The following RPRD2 variants were observed in gnomAD, a reference collection of about 807,000 sequenced individuals.
RPRD2 encodes the protein regulation of nuclear pre-mRNA domain containing 2.
In RPRD2, 12 loss-of-function variants were observed where a neutral mutation model predicts 104.4. That is an observed-to-expected ratio of 0.11 (90% confidence interval 0.07 to 0.19). The LOEUF (loss-of-function observed/expected upper bound fraction) is 0.19. Ranked by LOEUF, RPRD2 falls within the 10% of genes least tolerant of loss-of-function variation. The probability of loss-of-function intolerance (pLI) is 1.00; values close to 1 mark genes in which losing one functional copy is unlikely to be tolerated. For synonymous variants in RPRD2, 714 were observed against 684.9 expected, an observed-to-expected ratio of 1.04 and a Z score of -0.66; for missense variants, 1,543 against 1,790.1, an observed-to-expected ratio of 0.86 and a Z score of 2.49.
intron 6 of RPRD2, 143 bp from the exon 7 acceptor site, chr1:150,446,079 AAAAG>A (rs1467024223): frequency 4.6e-5 from 24 of 518,462 alleles, no homozygotes; most frequent in Middle Eastern, 5.4e-4. Context: ...AAAAAAAAAA[AAAAG>A]AAAGAAACTA....
intron 10 of RPRD2, 90 bp downstream of exon 10, chr1:150,464,817 C>A: frequency 1.2e-6 from 1 of 865,110 alleles, no homozygotes; most frequent in Non-Finnish European, 1.8e-6. Context: ...GAATCCAGAG[C>A]CATAAAATGT....
intron 10 of RPRD2, among the ~76,000 whole-genome samples, chr1:150,466,457 G>T (rs1163267364): frequency 2.0e-5 from 3 of 150,922 alleles, no homozygotes; most frequent in African/African-American, 7.3e-5. Context: ...GCTAAGGCAG[G>T]AGGATCACTT....
chr1:150,444,428 C>T, intron 6 of RPRD2, 51 bp downstream of exon 6: 1 of 1,577,190 alleles, frequency 6.3e-7, no homozygotes, highest in Non-Finnish European at 8.6e-7. Context: ...CCATATGTGT[C>T]ATTTTTCCAG....
At chr1:150,435,116 C>A (rs1332828484) in intron 2 of RPRD2, among the ~76,000 whole-genome samples, 4 of 152,114 alleles carry the variant, frequency 2.6e-5, no homozygotes, top group African/African-American at 4.8e-5. Flanking sequence ...GATCTGTGAT[C>A]AGCGATGTTA....
intron 2 of RPRD2, among the ~76,000 whole-genome samples, chr1:150,431,473 A>ATTTTTTTGTTTTTTTTTTTTTTTTTTTT (rs1665570389): frequency 1.3e-5 from 1 of 78,850 alleles, no homozygotes; most frequent in Non-Finnish European, 2.4e-5. Flanking sequence ...AAAAGGAAGG[A>ATTTTTTTGTTTTTTTTTTTTTTTTTTTT]TTTTTTTTTT....
chr1:150,429,084 G>C (rs1456407712), intron 2 of RPRD2, among the ~76,000 whole-genome samples: 2 of 149,068 alleles, frequency 1.3e-5, no homozygotes, highest in Admixed American at 6.7e-5. Context: ...TTGACATTGT[G>C]GTCAGTAGTG....
At chr1:150,368,731 G>A (rs1660042299) in intron 1 of RPRD2, among the ~76,000 whole-genome samples, 1 of 151,844 alleles carries the variant, frequency 6.6e-6, no homozygotes, top group South Asian at 2.1e-4. Context: ...CTCCCAAAGT[G>A]CTGGGATTAC....
chr1:150,457,711 C>A, intron 8 of RPRD2, 141 bp downstream of exon 8: 2 of 769,104 alleles, frequency 2.6e-6, no homozygotes, highest in Non-Finnish European at 4.3e-6. Flanking sequence ...ATCTCTAGAG[C>A]AGTTGTTGAG....
At chr1:150,398,123 C>G (rs1444796276) in intron 1 of RPRD2, among the ~76,000 whole-genome samples, 2 of 149,228 alleles carry the variant, frequency 1.3e-5, no homozygotes, top group East Asian at 2.0e-4. Flanking sequence ...ACCCCACCCC[C>G]ACCCCGCAGT....
In RPRD2 at chr1:150,473,255, T is replaced by C. The variant is rs777264466; in HGVS notation, c.4307T>C (p.Leu1436Ser). 2 of 1,613,940 alleles carry C rather than the reference T, an allele frequency of 1.2e-6. No homozygotes were observed. Among genetic ancestry groups the C allele is most frequent in the East Asian group, 2.2e-5 (1 of 44,862 alleles). Residue 1436 changes from leucine to serine, a missense_variant, in exon 11 of 11, where the codon TTA becomes TCA. This residue lies in a region of RPRD2 where 880 missense variants were observed against 885.6 expected (regional missense o/e 0.99). Transcript: ENST00000369068. Reference sequence around the variant, plus strand: ...CTCAGCAGAGACCCATTTCACAGTTTAAAGAGACCCAGGCCACCTTTTGCT... The same window carrying C: ...CTCAGCAGAGACCCATTTCACAGTTCAAAGAGACCCAGGCCACCTTTTGCT... ...PFLSRDPFHSLKRPRPPFARG... is the reference protein window; with the variant it reads ...PFLSRDPFHSSKRPRPPFARG...
intron 9 of RPRD2, among the ~76,000 whole-genome samples, chr1:150,461,058 A>T (rs903137294): frequency 3.9e-5 from 6 of 151,982 alleles, no homozygotes; most frequent in African/African-American, 1.4e-4. Context: ...TAATCCAATA[A>T]TCGGTCATTA....
At position 150,372,488 on chromosome 1, in the gene RPRD2, A is replaced by AAC. The variant is rs781938858; in HGVS notation, c.205+7585_205+7586dup. Among the ~76,000 whole-genome samples the AAC allele has an allele frequency of 1.3e-3, 109 of 83,852 alleles. 1 individual carries two copies. The highest frequency in any genetic ancestry group is 7.7e-3 in the East Asian group (34 of 4,396). The allele number at this position is 83,852 out of a possible 152,430, so 55.0% of individuals were successfully genotyped here. ...GAGTGAGACTCCGTCTGAAAAAAGA[A>AAC]ACACACACACACACACAGACACACA... On this transcript the variant is annotated intron_variant, in intron 1 of 10. Transcript: ENST00000369068.
chr1:150,436,337 C>T (rs1553893078), intron 2 of RPRD2, among the ~76,000 whole-genome samples: 1 of 152,172 alleles, frequency 6.6e-6, no homozygotes, highest in African/African-American at 2.4e-5. Flanking sequence ...CATGGTGGCT[C>T]ATGCCTGTAA....
At chr1:150,407,487 G>A (rs1366120482) in intron 1 of RPRD2, among the ~76,000 whole-genome samples, 8 of 152,212 alleles carry the variant, frequency 5.3e-5, no homozygotes, top group East Asian at 1.9e-4. Context: ...GGCTAGTTGC[G>A]TCTTAGCTCA....
At chr1:150,381,800 G>A (rs834233) in intron 1 of RPRD2, among the ~76,000 whole-genome samples, 45,198 of 151,890 alleles carry the variant, frequency 0.3, 7,625 homozygotes, top group Non-Finnish European at 0.37. Flanking sequence ...CACCGCGCCC[G>A]GCCACAGGAC....
At chr1:150,464,901 C>T (rs1233931636) in intron 10 of RPRD2, among the ~76,000 whole-genome samples, 174 bp downstream of exon 10, 1 of 151,854 alleles carries the variant, frequency 6.6e-6, no homozygotes, top group African/African-American at 2.4e-5. Context: ...GATGGAGTCT[C>T]ACTCTGTTGC....
chr1:150,410,464 GTGGT>G (rs1199804802), intron 1 of RPRD2, among the ~76,000 whole-genome samples: 1 of 152,136 alleles, frequency 6.6e-6, no homozygotes, highest in Non-Finnish European at 1.5e-5. Flanking sequence ...GTAGTAAGTA[GTGGT>G]TGGAGTCTGT....
At chr1:150,387,567 CTTTTTTTTTTTTTTTTTTTTTTTT>C (rs562476167) in intron 1 of RPRD2, among the ~76,000 whole-genome samples, 2,247 of 73,826 alleles carry the variant, frequency 0.03, 125 homozygotes, top group African/African-American at 0.12. Context: ...TGCAACAGAC[CTTTTTTTTTTTTTTTTTTTTTTTT>C]TTTTTTTTTT....
chr1:150,444,831 T>C lies in RPRD2; in HGVS notation c.694+454T>C, dbSNP rs151214538. On this transcript the variant is annotated intron_variant, in intron 6 of 10. Coordinates refer to ENST00000369068, the MANE Select transcript of RPRD2 (RefSeq NM_015203.5). ...GCACATAATAGATATTTGATGAATA[T>C]TTTTGAAATAATAAGTAAATGACTA... 6.8e-3 allele frequency among the ~76,000 whole-genome samples: 1,033 copies of C among 152,314 alleles called. 5 individuals are homozygous for C. Among genetic ancestry groups the C allele is most frequent in the Non-Finnish European group, 8.7e-3 (590 of 68,036 alleles).
Sources: allele counts gnomAD v4.1 joint callset (sites outside exome capture counted in the v4.1 genomes callset), GRCh38; gene constraint gnomAD v4.1.1; regional missense constraint gnomAD v4.1.1; transcripts MANE v1.5; gene names NCBI Gene and HGNC (gene_info 2026-07-23, HGNC 2026-07-21).